HPSE2: variants seen among roughly 807,000 people sequenced by gnomAD.
HPSE2 encodes the protein heparanase 2 (inactive).
A neutral mutation model predicts 60.5 loss-of-function variants in HPSE2; 38 were observed. The ratio of observed to expected loss-of-function variants is 0.63; its 90% CI spans 0.48 to 0.82. The LOEUF (loss-of-function observed/expected upper bound fraction) is 0.82, where lower values mean the gene tolerates loss of function less well. Ranked by LOEUF, HPSE2 falls within the 40% of genes least tolerant of loss-of-function variation. HPSE2 has a pLI of 0.00. For synonymous variants in HPSE2, 295 were observed against 293.2 expected, an observed-to-expected ratio of 1.01 and a Z score of -0.06; for missense variants, 713 against 740.4, an observed-to-expected ratio of 0.96 and a Z score of 0.43.
chr10:98,959,881 C>T (rs1398808053), intron 3 of HPSE2, among the ~76,000 whole-genome samples: 1 of 152,040 alleles, frequency 6.6e-6, no homozygotes, highest in Non-Finnish European at 1.5e-5. Flanking sequence ...GCAAGTATCC[C>T]TCCTCCTCTT....
At chr10:99,044,588 C>T (rs1430644016) in intron 3 of HPSE2, among the ~76,000 whole-genome samples, 1 of 152,140 alleles carries the variant, frequency 6.6e-6, no homozygotes, top group Non-Finnish European at 1.5e-5. Flanking sequence ...CAAGACCCAA[C>T]CATTTGCTGT....
At chr10:98,803,847 A>G (rs1454781003) in intron 3 of HPSE2, among the ~76,000 whole-genome samples, 2 of 151,708 alleles carry the variant, frequency 1.3e-5, no homozygotes, top group Non-Finnish European at 2.9e-5. Context: ...AGTTTTTTCC[A>G]ATTCTGTGAA....
chr10:99,258,433 C>T, the HPSE2 span, among the ~76,000 whole-genome samples: 1 of 151,818 alleles, frequency 6.6e-6, no homozygotes, highest in Non-Finnish European at 1.5e-5. Context: ...TTGAAATACT[C>T]AATCTTGTTA....
At chr10:99,289,597 T>C in the HPSE2 span, among the ~76,000 whole-genome samples, 2 of 152,298 alleles carry the variant, frequency 1.3e-5, no homozygotes, top group East Asian at 1.9e-4. Flanking sequence ...AAAAATATTA[T>C]TTCATATAAA....
chr10:98,960,307 G>A (rs1470356008), intron 3 of HPSE2, among the ~76,000 whole-genome samples: 3 of 152,040 alleles, frequency 2.0e-5, no homozygotes, highest in Admixed American at 1.3e-4. Flanking sequence ...CAAGGAACAG[G>A]CAATACTACC....
chr10:99,155,867 A>T lies in HPSE2; in HGVS notation c.449-11468T>A, dbSNP rs1007911589. On this transcript the variant is annotated intron_variant, in intron 2 of 11. Coordinates refer to ENST00000370552, the MANE Select transcript of HPSE2 (RefSeq NM_021828.5). ...TTGATAGACCACTAGCAAGACTAATAAAGAAAAAAAGAAGAATCAAATAGA... is the reference window on the plus strand; with the variant it reads ...TTGATAGACCACTAGCAAGACTAATTAAGAAAAAAAGAAGAATCAAATAGA... 4.3e-4 allele frequency among the ~76,000 whole-genome samples: 65 copies of T among 151,952 alleles called. 3 individuals are homozygous for T. In the South Asian group the frequency reaches 0.01, roughly 24 times the overall value.
chr10:99,154,501 T>A (rs1360707245), intron 2 of HPSE2, among the ~76,000 whole-genome samples: 23 of 136,698 alleles, frequency 1.7e-4, no homozygotes, highest in Non-Finnish European at 2.7e-4. Context: ...CCAGCCAAAC[T>A]AAGCTTCATA....
At chr10:98,465,103 T>G (rs1940471313) in intron 11 of HPSE2, among the ~76,000 whole-genome samples, 1 of 152,248 alleles carries the variant, frequency 6.6e-6, no homozygotes, top group African/African-American at 2.4e-5. Flanking sequence ...CTATTCTTCC[T>G]GCCTATATTT....
intron 6 of HPSE2, among the ~76,000 whole-genome samples, chr10:98,693,606 T>C (rs769495316): frequency 1.3e-5 from 2 of 152,236 alleles, no homozygotes; most frequent in Admixed American, 6.5e-5. Context: ...AGTGGCATGC[T>C]CAGATCCCCA....
the HPSE2 span, among the ~76,000 whole-genome samples, chr10:99,304,587 A>G: frequency 6.6e-6 from 1 of 152,254 alleles, no homozygotes; most frequent in African/African-American, 2.4e-5. Context: ...TCATACGTTT[A>G]AAGGTATCAA....
chr10:98,917,250 C>T (rs1247158136), intron 3 of HPSE2, among the ~76,000 whole-genome samples: 8 of 152,076 alleles, frequency 5.3e-5, no homozygotes, highest in Non-Finnish European at 1.0e-4. Flanking sequence ...AGAAACAATT[C>T]TTATAGCCAA....
the HPSE2 span, among the ~76,000 whole-genome samples, chr10:99,262,019 TCTGA>T: frequency 6.6e-6 from 1 of 152,222 alleles, no homozygotes; most frequent in South Asian, 2.1e-4. Context: ...CCCGAGGCTC[TCTGA>T]CTGACTCCTT....
At chr10:98,594,983 G>A (rs560884835) in intron 9 of HPSE2, among the ~76,000 whole-genome samples, 60 of 151,980 alleles carry the variant, frequency 3.9e-4, no homozygotes, top group Non-Finnish European at 6.8e-4. Context: ...CATTAAATCT[G>A]CACATCACTT....
At chr10:98,698,805 G>C in intron 5 of HPSE2, among the ~76,000 whole-genome samples, 1 of 151,868 alleles carries the variant, frequency 6.6e-6, no homozygotes, top group Non-Finnish European at 1.5e-5. Flanking sequence ...ATGATAAAGG[G>C]GATATCACCA....
At chr10:98,746,803 T>TA (rs1554983889) in intron 3 of HPSE2, among the ~76,000 whole-genome samples, 1 of 151,870 alleles carries the variant, frequency 6.6e-6, no homozygotes, top group Non-Finnish European at 1.5e-5. Flanking sequence ...GATTTTTTTT[T>TA]AAAAAGAAAA....
intron 3 of HPSE2, among the ~76,000 whole-genome samples, chr10:98,850,354 C>G (rs1952139817): frequency 6.6e-6 from 1 of 152,092 alleles, no homozygotes. Context: ...AGGAACAGTT[C>G]TAGTAACTTT....
intron 6 of HPSE2, among the ~76,000 whole-genome samples, chr10:98,667,712 CA>C (rs2134103598): frequency 6.6e-6 from 1 of 152,154 alleles, no homozygotes; most frequent in Non-Finnish European, 1.5e-5. Context: ...AACAAGCCTT[CA>C]ATAAATTTCA....
At chr10:98,465,923 T>C (rs1165916427) in intron 11 of HPSE2, among the ~76,000 whole-genome samples, 1 of 152,224 alleles carries the variant, frequency 6.6e-6, no homozygotes, top group Non-Finnish European at 1.5e-5. Context: ...ACACTTGTTT[T>C]ATTAATTTTG....
chr10:99,124,026 G>A (rs1307034498), intron 3 of HPSE2, among the ~76,000 whole-genome samples: 2 of 152,142 alleles, frequency 1.3e-5, no homozygotes, highest in African/African-American at 2.4e-5. Context: ...CCTGACGTCT[G>A]TGCAGCCTTC....
Sources: allele counts gnomAD v4.1 joint callset (sites outside exome capture counted in the v4.1 genomes callset), GRCh38; gene constraint gnomAD v4.1.1; transcripts MANE v1.5; gene names NCBI Gene and HGNC (gene_info 2026-07-23, HGNC 2026-07-21).